Variants in FAM174A observed in about 807,000 individuals in gnomAD.
FAM174A encodes membrane protein FAM174A.
In FAM174A, 14 loss-of-function variants were observed where a neutral mutation model predicts 14.3. The ratio of observed to expected loss-of-function variants is 0.98; its 90% CI spans 0.65 to 1.53. The LOEUF is 1.53. FAM174A is among the 40% of genes most tolerant of loss of function. The pLI, the probability that FAM174A is intolerant of heterozygous loss-of-function variation, is 0.00. For missense variants in FAM174A, 241 were observed against 249.6 expected (o/e 0.97, Z 0.23); for synonymous variants, 108 against 111.4 (o/e 0.97, Z 0.19).
intron 2 of FAM174A, among the ~76,000 whole-genome samples, chr5:100,580,189 C>T (rs32237): frequency 0.42 from 63,692 of 151,908 alleles, 13,732 homozygotes; most frequent in Admixed American, 0.47. Context: ...GTAAGAATTG[C>T]CCCTGTCTGA....
At chr5:100,555,391 G>C (rs558814888) in intron 1 of FAM174A, among the ~76,000 whole-genome samples, 3 of 152,094 alleles carry the variant, frequency 2.0e-5, no homozygotes, top group Admixed American at 2.0e-4. Flanking sequence ...ATAAACATAC[G>C]TGTGTGTGTG....
At chr5:100,574,305 C>G (rs1746857320) in intron 2 of FAM174A, among the ~76,000 whole-genome samples, 1 of 152,112 alleles carries the variant, frequency 6.6e-6, no homozygotes, top group African/African-American at 2.4e-5. Context: ...TCTCATGCCT[C>G]AGCCTTCCCA....
At chr5:100,567,932 A>G (rs1746696892) in intron 2 of FAM174A, among the ~76,000 whole-genome samples, 2 of 152,006 alleles carry the variant, frequency 1.3e-5, no homozygotes, top group Non-Finnish European at 2.9e-5. Flanking sequence ...GAAACATTTT[A>G]CAATCATGAA....
At chr5:100,562,840 A>G (rs1258238398) in intron 2 of FAM174A, among the ~76,000 whole-genome samples, 1 of 151,830 alleles carries the variant, frequency 6.6e-6, no homozygotes, top group Non-Finnish European at 1.5e-5. Context: ...GATAAATAAA[A>G]TGACATGAGT....
At chr5:100,553,789 G>T (rs1026256795) in intron 1 of FAM174A, among the ~76,000 whole-genome samples, 1 of 152,128 alleles carries the variant, frequency 6.6e-6, no homozygotes, top group African/African-American at 2.4e-5. Context: ...GCAGCCAAAT[G>T]TTTAGGCTAT....
At chr5:100,548,306 C>A (rs774769684) in intron 1 of FAM174A, among the ~76,000 whole-genome samples, 25 of 152,170 alleles carry the variant, frequency 1.6e-4, no homozygotes, top group Non-Finnish European at 2.8e-4. Context: ...AAAGCAGATT[C>A]TATTACAGTG....
intron 1 of FAM174A, among the ~76,000 whole-genome samples, chr5:100,557,931 A>G (rs1408377889): frequency 6.6e-6 from 1 of 151,666 alleles, no homozygotes; most frequent in Non-Finnish European, 1.5e-5. Flanking sequence ...TTATGTCTCT[A>G]TTTCCTTCAG....
intron 1 of FAM174A, among the ~76,000 whole-genome samples, chr5:100,539,755 T>C (rs1746013478): frequency 6.6e-6 from 1 of 152,220 alleles, no homozygotes; most frequent in Non-Finnish European, 1.5e-5. Flanking sequence ...CCTGTGATCA[T>C]TTAAAGTAAC....
chr5:100,566,271 A>T (rs189022432), intron 2 of FAM174A, among the ~76,000 whole-genome samples: 2 of 149,694 alleles, frequency 1.3e-5, no homozygotes, highest in African/African-American at 2.5e-5. Flanking sequence ...ATGGATGAAC[A>T]TGGAGGAATT....
intron 2 of FAM174A, among the ~76,000 whole-genome samples, 156 bp downstream of exon 2, chr5:100,562,344 T>C (rs1746542665): frequency 6.6e-6 from 1 of 151,994 alleles, no homozygotes; most frequent in African/African-American, 2.4e-5. Context: ...ACCCCATAGC[T>C]CACATTCACG....
chr5:100,559,915 A>G (rs1036443954), intron 1 of FAM174A, among the ~76,000 whole-genome samples: 4 of 151,808 alleles, frequency 2.6e-5, no homozygotes, highest in African/African-American at 7.3e-5. Flanking sequence ...AGCTCGGAGT[A>G]GTTTGATCGT....
chr5:100,568,435 A>C (rs1291576319), intron 2 of FAM174A, among the ~76,000 whole-genome samples: 1 of 151,892 alleles, frequency 6.6e-6, no homozygotes, highest in East Asian at 1.9e-4. Context: ...GCCTTTCAGC[A>C]CACAGTTCCA....
intron 2 of FAM174A, among the ~76,000 whole-genome samples, chr5:100,563,049 G>A (rs571099052): frequency 2.0e-4 from 31 of 151,878 alleles, no homozygotes; most frequent in African/African-American, 5.8e-4. Context: ...GGACTACTAA[G>A]TCCTGTATAT....
intron 2 of FAM174A, among the ~76,000 whole-genome samples, chr5:100,579,545 C>T (rs1746968305): frequency 1.3e-5 from 2 of 152,054 alleles, no homozygotes; most frequent in Admixed American, 6.5e-5. Flanking sequence ...CTGTCTCAGC[C>T]TCTCATGTAG....
intron 1 of FAM174A, among the ~76,000 whole-genome samples, chr5:100,558,382 T>G (rs1351724288): frequency 1.3e-5 from 2 of 152,140 alleles, no homozygotes; most frequent in African/African-American, 4.8e-5. Context: ...TTGGAATAGG[T>G]GTGGTGTGCT....
At position 100,570,559 on chromosome 5, in the gene FAM174A, G is replaced by C. The variant is rs186077181; in HGVS notation, c.569+8371G>C. Among the ~76,000 whole-genome samples, 794 of 151,992 alleles carry C rather than the reference G, an allele frequency of 5.2e-3. 1 individual carries two copies. The highest frequency in any genetic ancestry group is 0.028 in the South Asian group (136 of 4,822). ...GAGATATAAGATCTCTTTAGTCATT[G>C]AAATAGGAACTTGACCAAGGATTTC... On this transcript the variant is annotated intron_variant, in intron 2 of 2. Coordinates refer to ENST00000312637, the MANE Select transcript of FAM174A (RefSeq NM_198507.3).
intron 1 of FAM174A, among the ~76,000 whole-genome samples, chr5:100,551,832 G>A (rs145411418): frequency 5.9e-5 from 9 of 152,192 alleles, no homozygotes; most frequent in Non-Finnish European, 8.8e-5. Context: ...GCCTGTGTGC[G>A]TGTCTGTCTC....
chr5:100,546,715 C>T (rs26027), intron 1 of FAM174A, among the ~76,000 whole-genome samples: 48,701 of 152,060 alleles, frequency 0.32, 9,425 homozygotes, highest in African/African-American at 0.53. Flanking sequence ...GTTATATGCA[C>T]TATACCAGAT....
chr5:100,564,481 G>T (rs1746596171), intron 2 of FAM174A, among the ~76,000 whole-genome samples: 1 of 151,720 alleles, frequency 6.6e-6, no homozygotes, highest in African/African-American at 2.4e-5. Context: ...AGTGGCAAAA[G>T]AAAAACACTT....
Sources: allele counts gnomAD v4.1 joint callset (sites outside exome capture counted in the v4.1 genomes callset), GRCh38; gene constraint gnomAD v4.1.1; transcripts MANE v1.5; gene names NCBI Gene and HGNC (gene_info 2026-07-23, HGNC 2026-07-21).